The following GLRA3 variants were observed in gnomAD, a reference collection of about 807,000 sequenced individuals.
GLRA3 encodes glycine receptor subunit alpha-3.
Under a neutral mutation model 60.4 loss-of-function variants are expected in GLRA3, and 44 were observed. That is an observed-to-expected ratio of 0.73 (90% CI 0.57 to 0.94). The LOEUF (loss-of-function observed/expected upper bound fraction) is 0.94. Ranked by LOEUF, GLRA3 falls within the 40% of genes least tolerant of loss-of-function variation. GLRA3 has a pLI of 0.00. For missense variants in GLRA3, 508 were observed against 564.6 expected (o/e 0.90, Z 1.02); for synonymous variants, 223 against 192.9 (o/e 1.16, Z -1.29).
chr4:174,796,824 C>T (rs922277079), intron 1 of GLRA3, among the ~76,000 whole-genome samples: 3 of 152,230 alleles, frequency 2.0e-5, no homozygotes, highest in South Asian at 2.1e-4. Flanking sequence ...CATAAGCCAC[C>T]GCGCCTGGCC....
chr4:174,823,524 C>T (rs1280370405), intron 1 of GLRA3, among the ~76,000 whole-genome samples: 1 of 148,624 alleles, frequency 6.7e-6, no homozygotes, highest in Non-Finnish European at 1.5e-5. Context: ...GACTCTGTCT[C>T]AAAAAAAGAA....
At chr4:174,825,899 T>G (rs1372980249) in intron 1 of GLRA3, among the ~76,000 whole-genome samples, 1 of 152,130 alleles carries the variant, frequency 6.6e-6, no homozygotes, top group Non-Finnish European at 1.5e-5. Context: ...ACTAAAAATT[T>G]GTATAGTACG....
chr4:174,755,899 T>C (rs1561098040), intron 3 of GLRA3, among the ~76,000 whole-genome samples: 1 of 151,928 alleles, frequency 6.6e-6, no homozygotes, highest in African/African-American at 2.4e-5. Flanking sequence ...TATAAACTAA[T>C]TTAAAAAATG....
intron 4 of GLRA3, 122 bp downstream of exon 4, chr4:174,728,353 A>G (rs1422787342): frequency 3.3e-6 from 2 of 605,642 alleles, no homozygotes. Flanking sequence ...TATTAGAGGA[A>G]CTGAAGTGCA....
At chr4:174,648,741 A>G (rs4695944) in intron 9 of GLRA3, among the ~76,000 whole-genome samples, 152,210 of 152,222 alleles carry the variant, frequency 1, 76,099 homozygotes, top group Non-Finnish European at 1. Flanking sequence ...TCTTGGAGCT[A>G]CTACACTGGG....
At chr4:174,698,504 T>C (rs1365372654) in intron 5 of GLRA3, among the ~76,000 whole-genome samples, 1 of 152,134 alleles carries the variant, frequency 6.6e-6, no homozygotes, top group African/African-American at 2.4e-5. Flanking sequence ...TTGGGATTTT[T>C]GAAGCCTGAT....
chr4:174,771,800 G>C (rs571690251), intron 2 of GLRA3, among the ~76,000 whole-genome samples: 17 of 152,276 alleles, frequency 1.1e-4, no homozygotes, highest in African/African-American at 3.8e-4. Flanking sequence ...TTGAATAAAG[G>C]ATGAGGCATT....
At chr4:174,648,384 A>C (rs1732907842) in intron 9 of GLRA3, among the ~76,000 whole-genome samples, 1 of 152,134 alleles carries the variant, frequency 6.6e-6, no homozygotes, top group African/African-American at 2.4e-5. Context: ...GAATCACTTG[A>C]ACCCAGGACG....
intron 1 of GLRA3, among the ~76,000 whole-genome samples, chr4:174,810,718 G>A (rs184791749): frequency 1.3e-5 from 2 of 151,992 alleles, no homozygotes; most frequent in Admixed American, 6.6e-5. Flanking sequence ...ATAATGATTA[G>A]AGTCAAAATT....
intron 1 of GLRA3, among the ~76,000 whole-genome samples, chr4:174,816,852 G>A (rs1352339517): frequency 6.6e-6 from 1 of 151,238 alleles, no homozygotes; most frequent in Non-Finnish European, 1.5e-5. Flanking sequence ...AATTCTTGTG[G>A]GTACATAGCA....
Position 174,642,545 on chromosome 4 carries a change from C to T in GLRA3, c.*1241G>A, listed in dbSNP as rs1461564278. 2 of 977,184 alleles carry T rather than the reference C, an allele frequency of 2.0e-6. No homozygotes were observed. The highest frequency in any genetic ancestry group is 1.1e-4 in the East Asian group (1 of 8,786). The allele number at this position is 977,184 out of a possible 1,614,324, so 60.5% of individuals were successfully genotyped here. On this transcript the variant is annotated 3_prime_UTR_variant, in exon 10 of 10. Coordinates refer to ENST00000274093, the MANE Select transcript of GLRA3 (RefSeq NM_006529.4). Reference sequence around the variant, plus strand: ...TTGCACCCAATTACACTGCAAAAAACAAGTTACTAATGCTCTGTTTTTGTT... The same window carrying T: ...TTGCACCCAATTACACTGCAAAAAATAAGTTACTAATGCTCTGTTTTTGTT...
At chr4:174,716,941 C>T (rs952396725) in intron 4 of GLRA3, among the ~76,000 whole-genome samples, 5 of 152,004 alleles carry the variant, frequency 3.3e-5, no homozygotes, top group Non-Finnish European at 5.9e-5. Flanking sequence ...TGTCTTACGC[C>T]TGTAATTCCA....
rs749361171 is a variant in GLRA3, at chr4:174,721,877, GTA to G, written c.492-6309_492-6308del. On this transcript the variant is annotated intron_variant, in intron 4 of 9. Coordinates refer to ENST00000274093, the MANE Select transcript of GLRA3 (RefSeq NM_006529.4). ...TACATATGTGTGTGTATATGTGTGT[GTA>G]TATATATATGTGTGTGTATGTGTGT... Among the ~76,000 whole-genome samples the G allele has an allele frequency of 4.6e-3, 699 of 150,918 alleles. 3 individuals are homozygous for G. Among genetic ancestry groups the G allele is most frequent in the African/African-American group, 0.016 (667 of 40,976 alleles).
At chr4:174,779,002 T>A (rs1303837950) in intron 2 of GLRA3, among the ~76,000 whole-genome samples, 3 of 152,200 alleles carry the variant, frequency 2.0e-5, no homozygotes, top group Non-Finnish European at 4.4e-5. Flanking sequence ...CTCTGTAGGC[T>A]CCACCTCTGG....
At chr4:174,781,798 T>G (rs1338108582) in intron 2 of GLRA3, among the ~76,000 whole-genome samples, 13 of 152,236 alleles carry the variant, frequency 8.5e-5, no homozygotes, top group East Asian at 1.9e-4. Flanking sequence ...ACCAATAACA[T>G]GCTCTGCAAT....
rs1732609771 is a variant in GLRA3 at position 174,640,956 on chromosome 4, A to G, written c.*2830T>C. ...TGAAAATACAGTGACTCTTGAATCTATTTAAAGTTGTAAAGTAAGTTCTAG... is the reference window on the plus strand; with the variant it reads ...TGAAAATACAGTGACTCTTGAATCTGTTTAAAGTTGTAAAGTAAGTTCTAG... On this transcript the variant is annotated 3_prime_UTR_variant, in exon 10 of 10. Coordinates refer to ENST00000274093, the MANE Select transcript of GLRA3 (RefSeq NM_006529.4). 6.6e-6 allele frequency: 1 copy of G among 151,724 alleles called. No homozygotes were observed. The highest frequency in any genetic ancestry group is 1.5e-5 in the Non-Finnish European group (1 of 67,830). The allele number at this position is 151,724 out of a possible 1,614,324, so 9.4% of individuals were successfully genotyped here. A position where few individuals can be genotyped will look rare whatever the true frequency, so the allele number is the denominator to read the frequency against.
chr4:174,750,338 G>A (rs1737417169), intron 3 of GLRA3, among the ~76,000 whole-genome samples: 1 of 152,096 alleles, frequency 6.6e-6, no homozygotes, highest in South Asian at 2.1e-4. Context: ...CTGACTGAAA[G>A]CTGGGCCTAG....
At chr4:174,795,208 G>A (rs1031884483) in intron 1 of GLRA3, among the ~76,000 whole-genome samples, 1 of 151,906 alleles carries the variant, frequency 6.6e-6, no homozygotes, top group Non-Finnish European at 1.5e-5. Flanking sequence ...CATAGACCAA[G>A]ACGGAAGATA....
At chr4:174,652,688 C>T (rs1410587353) in intron 9 of GLRA3, among the ~76,000 whole-genome samples, 1 of 151,966 alleles carries the variant, frequency 6.6e-6, no homozygotes, top group Non-Finnish European at 1.5e-5. Flanking sequence ...ATATAAAATG[C>T]AAGTTATAGC....
Sources: allele counts gnomAD v4.1 joint callset (sites outside exome capture counted in the v4.1 genomes callset), GRCh38; gene constraint gnomAD v4.1.1; transcripts MANE v1.5; gene names NCBI Gene and HGNC (gene_info 2026-07-23, HGNC 2026-07-21).